The following RETREG1 variants were observed in gnomAD, a reference collection of about 807,000 sequenced individuals.
RETREG1 encodes the protein family with sequence similarity 134 member B.
Under a neutral mutation model 54.8 loss-of-function variants are expected in RETREG1, and 44 were observed. The observed-to-expected ratio is 0.80, with a 90% CI of 0.63 to 1.03. The LOEUF (loss-of-function observed/expected upper bound fraction) is 1.03, where lower values mean the gene tolerates loss of function less well. Among genes scored for constraint, RETREG1 ranks in the 50% least tolerant of loss-of-function variants. The pLI, the probability that RETREG1 is intolerant of heterozygous loss-of-function variation, is 0.00. For synonymous variants in RETREG1, 217 were observed against 238.5 expected (o/e 0.91, Z 0.83); for missense variants, 554 against 605.1 (o/e 0.92, Z 0.89).
At chr5:16,600,996 G>A (rs761142832) in intron 1 of RETREG1, among the ~76,000 whole-genome samples, 7 of 152,196 alleles carry the variant, frequency 4.6e-5, no homozygotes, top group Admixed American at 1.3e-4. Context: ...ACAGAAGACA[G>A]AGATGAAAAT....
At chr5:16,536,287 G>A (rs1741070943) in intron 3 of RETREG1, among the ~76,000 whole-genome samples, 1 of 152,162 alleles carries the variant, frequency 6.6e-6, no homozygotes, top group Non-Finnish European at 1.5e-5. Flanking sequence ...CCTCTTCCTA[G>A]AGGTGGCCTT....
chr5:16,497,292 C>T (rs979819423), intron 3 of RETREG1, among the ~76,000 whole-genome samples: 3 of 152,122 alleles, frequency 2.0e-5, no homozygotes, highest in Non-Finnish European at 4.4e-5. Flanking sequence ...CTCCAAAGCC[C>T]GTTCTCTTCC....
intron 3 of RETREG1, among the ~76,000 whole-genome samples, chr5:16,489,612 CTTCTG>C (rs1158209515): frequency 1.3e-5 from 2 of 152,182 alleles, no homozygotes; most frequent in Non-Finnish European, 2.9e-5. Flanking sequence ...TATCATTTAA[CTTCTG>C]TTCGTTTTAA....
chr5:16,545,578 C>T (rs1247440708), intron 3 of RETREG1, among the ~76,000 whole-genome samples: 1 of 152,008 alleles, frequency 6.6e-6, no homozygotes, highest in Non-Finnish European at 1.5e-5. Context: ...CACAGTTTAG[C>T]AGCAGCAGCA....
chr5:16,583,152 C>A (rs143308792), intron 1 of RETREG1, among the ~76,000 whole-genome samples: 182 of 152,194 alleles, frequency 1.2e-3, no homozygotes, highest in African/African-American at 3.7e-3. Context: ...ACTCGAGTGA[C>A]CTTCTGTTGA....
chr5:16,546,559 A>C (rs1741393151), intron 3 of RETREG1, among the ~76,000 whole-genome samples: 1 of 152,244 alleles, frequency 6.6e-6, no homozygotes, highest in South Asian at 2.1e-4. Context: ...GTGATAGTAG[A>C]AATAGGAGAC....
At chr5:16,616,249 T>A (rs554253131) in intron 1 of RETREG1, 2 of 204,086 alleles carry the variant, frequency 9.8e-6, no homozygotes, top group African/African-American at 4.7e-5. Context: ...CTGGTCCAGA[T>A]ATGCCTGCTG....
chr5:16,474,457 C>A lies in RETREG1; in HGVS notation c.*284G>T, dbSNP rs1738432697. The stretch of plus-strand genomic sequence containing the variant: ...TTAATAGTTTGGTTTTTGTTTTTTT[C>A]TTTTTGCTTTAAAAACAACCCCTAA... On this transcript the variant is annotated 3_prime_UTR_variant, in exon 9 of 9. Coordinates refer to ENST00000306320, the MANE Select transcript of RETREG1 (RefSeq NM_001034850.3). The A allele has an allele frequency of 9.9e-6, 3 of 302,152 alleles. No individual in the cohort carries two copies. The highest frequency in any genetic ancestry group is 5.3e-5 in the South Asian group (1 of 18,926). The allele number at this position is 302,152 out of a possible 1,614,324, so 18.7% of individuals were successfully genotyped here. A position where few individuals can be genotyped will look rare whatever the true frequency, so the allele number is the denominator to read the frequency against.
intron 3 of RETREG1, chr5:16,509,038 CTTT>C (rs11403979): frequency 7.2e-5 from 66 of 920,640 alleles, no homozygotes; most frequent in East Asian, 4.8e-4. Flanking sequence ...CTTCCCCCGG[CTTT>C]TTTTTTTTTT....
chr5:16,508,855 T>C, intron 3 of RETREG1: 1 of 1,392,162 alleles, frequency 7.2e-7, no homozygotes, highest in South Asian at 1.6e-5. Flanking sequence ...TTATTATCAC[T>C]GCCCCCTTCT....
intron 3 of RETREG1, among the ~76,000 whole-genome samples, chr5:16,564,614 C>T (rs941361610): frequency 1.3e-5 from 2 of 152,170 alleles, no homozygotes; most frequent in African/African-American, 4.8e-5. Flanking sequence ...AGACAAATGC[C>T]TACCAGAGCC....
chr5:16,478,547 T>C (rs979231084), intron 6 of RETREG1, among the ~76,000 whole-genome samples: 12 of 152,132 alleles, frequency 7.9e-5, no homozygotes, highest in African/African-American at 2.7e-4. Flanking sequence ...TTCTTTTTCT[T>C]TGTGATAGTC....
intron 1 of RETREG1, among the ~76,000 whole-genome samples, chr5:16,612,176 G>A (rs1362072712): frequency 6.6e-6 from 1 of 152,170 alleles, no homozygotes; most frequent in Non-Finnish European, 1.5e-5. Flanking sequence ...AGTCCCCAGG[G>A]GTGGGTGCTG....
intron 1 of RETREG1, among the ~76,000 whole-genome samples, chr5:16,581,380 G>A (rs1742470101): frequency 1.3e-5 from 2 of 152,068 alleles, no homozygotes; most frequent in South Asian, 2.1e-4. Flanking sequence ...CCCAAGTGAC[G>A]GCCTTCCCCA....
At chr5:16,614,572 T>A (rs557846504) in intron 1 of RETREG1, among the ~76,000 whole-genome samples, 1 of 152,274 alleles carries the variant, frequency 6.6e-6, no homozygotes, top group South Asian at 2.1e-4. Flanking sequence ...GGTGGGAGTA[T>A]AAATTGTTAG....
intron 3 of RETREG1, among the ~76,000 whole-genome samples, chr5:16,500,037 G>A (rs949154487): frequency 2.6e-5 from 4 of 152,202 alleles, no homozygotes; most frequent in African/African-American, 7.2e-5. Context: ...GCTGAAGCAG[G>A]ACAGAGGTTG....
chr5:16,502,920 G>T (rs570297480), intron 3 of RETREG1, among the ~76,000 whole-genome samples: 18 of 152,342 alleles, frequency 1.2e-4, no homozygotes, highest in African/African-American at 4.1e-4. Flanking sequence ...GAGAGAAGAG[G>T]CTGGGAATAA....
chr5:16,538,926 G>A (rs939783016), intron 3 of RETREG1, among the ~76,000 whole-genome samples: 2 of 152,210 alleles, frequency 1.3e-5, no homozygotes, highest in South Asian at 2.1e-4. Context: ...GGATGGTCTC[G>A]ATCTCCTGAC....
intron 3 of RETREG1, among the ~76,000 whole-genome samples, chr5:16,523,288 T>C (rs1465776626): frequency 6.6e-6 from 1 of 152,204 alleles, no homozygotes; most frequent in Non-Finnish European, 1.5e-5. Flanking sequence ...GATACCCAGA[T>C]ACCCTCCCAG....
Sources: gnomAD v4.1 joint callset for allele counts (sites outside exome capture counted in the v4.1 genomes callset) on GRCh38, gnomAD v4.1.1 for gene constraint, MANE v1.5 for transcripts, NCBI Gene and HGNC (gene_info 2026-07-23, HGNC 2026-07-21) for gene names.